MGAT4A: variants seen among roughly 807,000 people sequenced by gnomAD.
MGAT4A encodes N-acetylglucosaminyltransferase IVa.
In MGAT4A, 33 loss-of-function variants were observed where a neutral mutation model predicts 74.1. The ratio of observed to expected loss-of-function variants is 0.45; its 90% confidence interval spans 0.34 to 0.60. MGAT4A has a LOEUF of 0.60. Ranked by LOEUF, MGAT4A falls within the 20% of genes least tolerant of loss-of-function variation. MGAT4A has a pLI of 0.02. For missense variants in MGAT4A, 479 were observed against 628.3 expected (o/e 0.76, Z 2.54); for synonymous variants, 198 against 210.4 (o/e 0.94, Z 0.51).
intron 5 of MGAT4A, 74 bp from the exon 6 acceptor site, chr2:98,658,338 T>C (rs939645612): frequency 2.4e-5 from 19 of 782,872 alleles, no homozygotes; most frequent in Non-Finnish European, 4.1e-6. Context: ...GAACTCGAAA[T>C]TAAATGAATG....
In MGAT4A at chr2:98,625,020, A is replaced by G. The variant is rs1268973521; in HGVS notation, c.*546T>C. The G allele has an allele frequency of 1.3e-5, 13 of 984,016 alleles. No homozygotes were observed. Among genetic ancestry groups the G allele is most frequent in the Non-Finnish European group, 1.6e-5 (13 of 828,274 alleles). 61.0% of individuals were successfully genotyped at this position (984,016 alleles called of 1,614,324 possible). ...TTTGCATTTCCAAAGAAAAATATAG[A>G]AAGAACTTAAAAAAGCAAGGAAACT... is the stretch of plus-strand genomic sequence containing the variant. On this transcript the variant is annotated 3_prime_UTR_variant, in exon 16 of 16. Coordinates refer to ENST00000393487, the MANE Select transcript of MGAT4A (RefSeq NM_012214.3).
At chr2:98,716,713 A>G (rs527530656) in intron 2 of MGAT4A, among the ~76,000 whole-genome samples, 1 of 152,364 alleles carries the variant, frequency 6.6e-6, no homozygotes, top group African/African-American at 2.4e-5. Context: ...CATGGGGGAT[A>G]GGTTCCAGTA....
chr2:98,721,077 A>G (rs1238112236), intron 2 of MGAT4A, among the ~76,000 whole-genome samples: 1 of 151,424 alleles, frequency 6.6e-6, no homozygotes, highest in East Asian at 1.9e-4. Flanking sequence ...GAACTTCCAT[A>G]AGATTAATAG....
intron 1 of MGAT4A, chr2:98,730,048 A>AAAAGAAAC (rs1363584072): frequency 1.3e-5 from 2 of 152,374 alleles, no homozygotes; most frequent in African/African-American, 4.8e-5. Flanking sequence ...AACATTCAGA[A>AAAAGAAAC]AAAGAAACAT....
intron 2 of MGAT4A, among the ~76,000 whole-genome samples, chr2:98,680,695 G>T (rs1447014875): frequency 2.0e-5 from 3 of 152,168 alleles, no homozygotes; most frequent in Non-Finnish European, 4.4e-5. Context: ...TCTATTTCTC[G>T]ATCTGGGTGT....
At chr2:98,636,386 A>G in intron 13 of MGAT4A, 131 bp downstream of exon 13, 2 of 670,170 alleles carry the variant, frequency 3.0e-6, no homozygotes, top group Non-Finnish European at 5.2e-6. Flanking sequence ...TTTCAAAAAA[A>G]ATTAATATTA....
At chr2:98,695,483 C>T (rs1187775511) in intron 2 of MGAT4A, 2 of 183,288 alleles carry the variant, frequency 1.1e-5, no homozygotes, top group East Asian at 1.3e-4. Flanking sequence ...GCAGAAGGGG[C>T]TGAACACTAA....
intron 4 of MGAT4A, among the ~76,000 whole-genome samples, chr2:98,665,273 G>A (rs941811317): frequency 1.4e-5 from 2 of 146,670 alleles, no homozygotes; most frequent in Non-Finnish European, 3.0e-5. Flanking sequence ...AGGTTGCAGT[G>A]AGTCAAGATC....
intron 4 of MGAT4A, among the ~76,000 whole-genome samples, chr2:98,673,115 G>A (rs1701933383): frequency 2.0e-5 from 3 of 152,000 alleles, no homozygotes; most frequent in Admixed American, 2.0e-4. Context: ...TGGGTGGTGC[G>A]CCGACAGTTT....
Position 98,636,579 on chromosome 2 carries a change from C to T in MGAT4A, c.1339G>A (p.Gly447Ser). Residue 447 changes from glycine to serine, a missense_variant, in exon 13 of 16, where the codon GGC becomes AGC. By Grantham distance (56) the Gly-to-Ser change is moderately conservative (BLOSUM62 0). Coordinates refer to ENST00000393487, the MANE Select transcript of MGAT4A (RefSeq NM_012214.3). ...VNVESYLFHS[G>S]NQEHPGDILL... The stretch of plus-strand genomic sequence containing the variant: ...ATATCTCCAGGATGTTCTTGGTTGC[C>T]GCTATGGAACAAATAACTGAAAATA... 6.2e-7 allele frequency: 1 copy of T among 1,613,352 alleles called. No homozygotes were observed. The highest frequency in any genetic ancestry group is 1.1e-5 in the South Asian group (1 of 91,060).
intron 2 of MGAT4A, among the ~76,000 whole-genome samples, chr2:98,683,579 T>C (rs555866108): frequency 5.3e-5 from 8 of 152,192 alleles, no homozygotes; most frequent in Admixed American, 3.3e-4. Context: ...TGCTTTAAAG[T>C]AAGCAGGAGA....
chr2:98,688,699 G>T (rs1702159272), intron 2 of MGAT4A, among the ~76,000 whole-genome samples: 1 of 152,172 alleles, frequency 6.6e-6, no homozygotes, highest in Admixed American at 6.5e-5. Context: ...CAACAGTCTG[G>T]ATAAGCTTGG....
At chr2:98,730,422 G>A (rs931772139) in intron 1 of MGAT4A, among the ~76,000 whole-genome samples, 10 of 152,178 alleles carry the variant, frequency 6.6e-5, no homozygotes, top group African/African-American at 2.4e-4. Context: ...TGGGGAAACG[G>A]GGGCTGCTCT....
chr2:98,670,071 T>C (rs887772665), intron 4 of MGAT4A, among the ~76,000 whole-genome samples: 2 of 152,226 alleles, frequency 1.3e-5, no homozygotes, highest in Admixed American at 1.3e-4. Context: ...GCCTGTCCTA[T>C]CTGATACAAT....
chr2:98,667,518 T>C (rs928444558), intron 4 of MGAT4A, among the ~76,000 whole-genome samples: 26 of 152,306 alleles, frequency 1.7e-4, no homozygotes, highest in African/African-American at 5.8e-4. Flanking sequence ...TGTTAGGCAC[T>C]GGAGTAAAGG....
rs975520077 is a variant in MGAT4A, at chr2:98,620,527, A to G, written c.*5039T>C. 3.9e-5 allele frequency: 6 copies of G among 152,238 alleles called. No homozygotes were observed. The highest frequency in any genetic ancestry group is 2.0e-4 in the Admixed American group (3 of 15,282). The allele number at this position is 152,238 out of a possible 1,614,324, so 9.4% of individuals were successfully genotyped here. On this transcript the variant is annotated 3_prime_UTR_variant, in exon 16 of 16. Coordinates refer to ENST00000393487, the MANE Select transcript of MGAT4A (RefSeq NM_012214.3). ...GAAAAATTAATGGACAAACCAAAAT[A>G]AAACTTCATTAGCTATTAATGGCTT...
chr2:98,695,981 A>T (rs749833081), intron 2 of MGAT4A, among the ~76,000 whole-genome samples: 18 of 151,106 alleles, frequency 1.2e-4, no homozygotes, highest in Non-Finnish European at 2.1e-4. Flanking sequence ...CAGGCTCAAG[A>T]GATTCTCCTC....
Position 98,645,563 on chromosome 2 carries a change from A to T in MGAT4A, c.775-21T>A, listed in dbSNP as rs374064341. On this transcript the variant is annotated intron_variant, in intron 8 of 15. Coordinates refer to ENST00000393487, the MANE Select transcript of MGAT4A (RefSeq NM_012214.3). The stretch of plus-strand genomic sequence containing the variant: ...TCAAGCTAGAGAAAATTGAACAATC[A>T]TATTAATACATCAAAAAAAGAAAGG... 80 of 1,463,668 alleles carry T rather than the reference A, an allele frequency of 5.5e-5. 1 individual carries two copies. The highest frequency in any genetic ancestry group is 9.6e-5 in the Admixed American group (4 of 41,588). The allele number at this position is 1,463,668 out of a possible 1,614,324, so 90.7% of individuals were successfully genotyped here. A position where few individuals can be genotyped will look rare whatever the true frequency, so the allele number is the denominator to read the frequency against.
chr2:98,668,577 G>GC (rs749579624), intron 4 of MGAT4A, among the ~76,000 whole-genome samples: 2 of 152,154 alleles, frequency 1.3e-5, no homozygotes, highest in Non-Finnish European at 2.9e-5. Flanking sequence ...TGGGGTCAGA[G>GC]CCCCCCCAGC....
Sources: gnomAD v4.1 joint callset for allele counts (sites outside exome capture counted in the v4.1 genomes callset) on GRCh38, gnomAD v4.1.1 for gene constraint, MANE v1.5 for transcripts, NCBI Gene and HGNC (gene_info 2026-07-23, HGNC 2026-07-21) for gene names.